Variants in CDH18 observed in about 807,000 individuals in gnomAD.
CDH18 encodes the protein cadherin 18.
A neutral mutation model predicts 67.9 loss-of-function variants in CDH18; 31 were observed. The observed-to-expected ratio is 0.46, with a 90% confidence interval of 0.34 to 0.62. The LOEUF is 0.62. Among genes scored for constraint, CDH18 ranks in the 20% least tolerant of loss-of-function variants. The pLI is 0.01. For missense variants in CDH18, 890 were observed against 975.5 expected (o/e 0.91, Z 1.17); for synonymous variants, 362 against 347.2 (o/e 1.04, Z -0.48).
At chr5:19,567,104 G>A (rs577802412) in intron 8 of CDH18, among the ~76,000 whole-genome samples, 1 of 152,038 alleles carries the variant, frequency 6.6e-6, no homozygotes, top group Non-Finnish European at 1.5e-5. Context: ...GGTGGGGCAG[G>A]TAATTGGGGA....
intron 2 of CDH18, among the ~76,000 whole-genome samples, chr5:19,934,833 C>G (rs1366205366): frequency 1.3e-5 from 2 of 151,336 alleles, no homozygotes; most frequent in African/African-American, 2.4e-5. Context: ...CTAGATCTAT[C>G]AAAGTGGCTA....
intron 11 of CDH18, among the ~76,000 whole-genome samples, chr5:19,487,062 C>T (rs184518348): frequency 7.7e-4 from 117 of 152,008 alleles, no homozygotes; most frequent in Non-Finnish European, 1.3e-3. Context: ...GATTAAGATT[C>T]GAGGAGATTT....
chr5:19,555,658 C>G (rs381795), intron 8 of CDH18, among the ~76,000 whole-genome samples: 1 of 152,146 alleles, frequency 6.6e-6, no homozygotes, highest in African/African-American at 2.4e-5. Context: ...CCTAACAGTG[C>G]CCCCATCTGA....
intron 6 of CDH18, among the ~76,000 whole-genome samples, chr5:19,604,910 T>C (rs1338695647): frequency 6.6e-6 from 1 of 152,132 alleles, no homozygotes; most frequent in Admixed American, 6.6e-5. Flanking sequence ...CTCTTAATCA[T>C]AAATAACACA....
chr5:20,552,759 A>AT (rs548502852), intron 1 of CDH18, among the ~76,000 whole-genome samples: 4,219 of 147,438 alleles, frequency 0.029, 98 homozygotes, highest in African/African-American at 0.067. Flanking sequence ...ATGTCTTAAG[A>AT]TTTTTTTTTT....
At chr5:20,469,010 T>C (rs1751864155) in intron 1 of CDH18, among the ~76,000 whole-genome samples, 1 of 152,218 alleles carries the variant, frequency 6.6e-6, no homozygotes, top group Non-Finnish European at 1.5e-5. Flanking sequence ...TGTCCTCGGC[T>C]GAAGTCAGCT....
At chr5:19,787,996 C>T (rs892850024) in intron 3 of CDH18, among the ~76,000 whole-genome samples, 2 of 151,794 alleles carry the variant, frequency 1.3e-5, no homozygotes, top group African/African-American at 4.8e-5. Flanking sequence ...AGTATTCTCC[C>T]CCTTTTCTTT....
chr5:19,540,450 G>C (rs879531309), intron 9 of CDH18, among the ~76,000 whole-genome samples: 1 of 152,024 alleles, frequency 6.6e-6, no homozygotes, highest in African/African-American at 2.4e-5. Context: ...ACTAGGCAGC[G>C]CCCCAGTGGA....
intron 2 of CDH18, among the ~76,000 whole-genome samples, chr5:20,005,543 T>C (rs1283302495): frequency 6.6e-6 from 1 of 151,254 alleles, no homozygotes; most frequent in Admixed American, 6.6e-5. Flanking sequence ...TTGTCAACAA[T>C]TTCTATATAT....
At chr5:19,589,149 A>C (rs77643156) in intron 7 of CDH18, among the ~76,000 whole-genome samples, 4,726 of 152,196 alleles carry the variant, frequency 0.031, 104 homozygotes, top group Non-Finnish European at 0.046. Flanking sequence ...TCTAAAGTTG[A>C]TCAAATACAA....
intron 3 of CDH18, among the ~76,000 whole-genome samples, chr5:19,795,632 T>A (rs1185872683): frequency 6.6e-6 from 1 of 152,132 alleles, no homozygotes; most frequent in Non-Finnish European, 1.5e-5. Context: ...AAGACTAATT[T>A]AAACAAGACT....
intron 1 of CDH18, among the ~76,000 whole-genome samples, chr5:20,363,074 C>T (rs1431485862): frequency 6.6e-6 from 1 of 152,296 alleles, no homozygotes; most frequent in East Asian, 1.9e-4. Context: ...TTGAGGCCAT[C>T]GTCCTCTCTA....
intron 3 of CDH18, among the ~76,000 whole-genome samples, chr5:19,753,769 C>A (rs1291411251): frequency 6.6e-6 from 1 of 152,166 alleles, no homozygotes; most frequent in Non-Finnish European, 1.5e-5. Context: ...ATCAGATTGA[C>A]AGCAGATTTC....
rs1040420059 is a variant in CDH18, at chr5:19,570,819, G to A, written c.1253+760C>T. Reference sequence around the variant, plus strand: ...ATTTAGCGAGCACTTATTATATGCTGGGCAATGTGTTAAGTCCTTTAATCT... The same window carrying A: ...ATTTAGCGAGCACTTATTATATGCTAGGCAATGTGTTAAGTCCTTTAATCT... On this transcript the variant is annotated intron_variant, in intron 8 of 12. Coordinates refer to ENST00000382275, the MANE Select transcript of CDH18 (RefSeq NM_004934.5). 2.0e-5 allele frequency among the ~76,000 whole-genome samples: 3 copies of A among 152,178 alleles called. No homozygotes were observed. In the East Asian group the frequency reaches 5.8e-4, roughly 29 times the overall value.
At chr5:19,856,677 T>C (rs1028327002) in intron 2 of CDH18, among the ~76,000 whole-genome samples, 5 of 150,244 alleles carry the variant, frequency 3.3e-5, no homozygotes, top group Admixed American at 1.3e-4. Flanking sequence ...AAAAAGAAGG[T>C]ATTTGTTTTT....
chr5:20,214,080 C>T (rs1740570325), intron 2 of CDH18, among the ~76,000 whole-genome samples: 1 of 151,968 alleles, frequency 6.6e-6, no homozygotes. Flanking sequence ...AATGCAATCC[C>T]ATTCACAATT....
At chr5:20,221,866 A>G (rs542899301) in intron 2 of CDH18, among the ~76,000 whole-genome samples, 6 of 152,152 alleles carry the variant, frequency 3.9e-5, no homozygotes, top group Non-Finnish European at 5.9e-5. Context: ...AAGTTCTACC[A>G]TATCTAAACC....
At chr5:20,222,216 C>G (rs931076079) in intron 2 of CDH18, among the ~76,000 whole-genome samples, 4 of 152,136 alleles carry the variant, frequency 2.6e-5, no homozygotes, top group African/African-American at 7.2e-5. Flanking sequence ...AAGATAGATG[C>G]AGAGCCAACA....
At chr5:19,898,193 A>G (rs914664769) in intron 2 of CDH18, among the ~76,000 whole-genome samples, 7 of 151,734 alleles carry the variant, frequency 4.6e-5, no homozygotes, top group Non-Finnish European at 8.8e-5. Context: ...TTATTTATCA[A>G]TAGTATTTTA....
Sources: gnomAD v4.1 joint callset for allele counts (sites outside exome capture counted in the v4.1 genomes callset) on GRCh38, gnomAD v4.1.1 for gene constraint, MANE v1.5 for transcripts, NCBI Gene and HGNC (gene_info 2026-07-23, HGNC 2026-07-21) for gene names.